The following ENAH variants were observed in gnomAD, a reference collection of about 807,000 sequenced individuals.
ENAH encodes the protein protein enabled homolog.
ENAH carries 23 observed loss-of-function variants against 78.7 expected under a neutral mutation model. That is an observed-to-expected ratio of 0.29 (90% confidence interval 0.21 to 0.41). ENAH has a LOEUF of 0.41. Ranked by LOEUF, ENAH falls within the 10% of genes least tolerant of loss-of-function variation. The pLI is 1.00. For missense variants in ENAH, 544 were observed against 691.0 expected (o/e 0.79, Z 2.39); for synonymous variants, 226 against 241.0 (o/e 0.94, Z 0.58).
intron 3 of ENAH, among the ~76,000 whole-genome samples, chr1:225,545,187 C>T (rs986032334): frequency 6.6e-6 from 1 of 152,144 alleles, no homozygotes; most frequent in East Asian, 1.9e-4. Flanking sequence ...TAGGCATGTC[C>T]ATCTACATTG....
intron 1 of ENAH, among the ~76,000 whole-genome samples, chr1:225,631,485 A>C (rs1329462912): frequency 6.6e-6 from 1 of 151,888 alleles, no homozygotes; most frequent in Non-Finnish European, 1.5e-5. Context: ...GAGGCAAGAG[A>C]ATCACTTGAA....
At chr1:225,592,621 A>G (rs968579818) in intron 1 of ENAH, among the ~76,000 whole-genome samples, 1 of 152,216 alleles carries the variant, frequency 6.6e-6, no homozygotes, top group African/African-American at 2.4e-5. Flanking sequence ...GTCTTTTGTT[A>G]TATTTTAGTA....
chr1:225,503,804 CAG>C (rs571390152), intron 11 of ENAH, among the ~76,000 whole-genome samples: 3 of 151,962 alleles, frequency 2.0e-5, no homozygotes, highest in Non-Finnish European at 4.4e-5. Context: ...AGAATTTGGC[CAG>C]AGTCTGCTTA....
intron 2 of ENAH, among the ~76,000 whole-genome samples, chr1:225,561,158 AG>A (rs917629969): frequency 1.1e-4 from 17 of 152,126 alleles, no homozygotes; most frequent in African/African-American, 4.1e-4. Flanking sequence ...AGCTTGAACC[AG>A]GGAAGTCAGG....
At chr1:225,626,865 G>A (rs571061883) in intron 1 of ENAH, among the ~76,000 whole-genome samples, 80 of 152,300 alleles carry the variant, frequency 5.3e-4, no homozygotes, top group African/African-American at 1.8e-3. Flanking sequence ...AAAATGAGCT[G>A]AGTGGACAAG....
chr1:225,523,755 C>CGAG (rs1339988739), intron 4 of ENAH, among the ~76,000 whole-genome samples: 1 of 152,104 alleles, frequency 6.6e-6, no homozygotes, highest in Non-Finnish European at 1.5e-5. Context: ...ATGTTTTGAC[C>CGAG]TCTAAAGCAA....
At chr1:225,609,676 TTTTTTTTTG>T in intron 1 of ENAH, among the ~76,000 whole-genome samples, 1 of 137,746 alleles carries the variant, frequency 7.3e-6, no homozygotes, top group Admixed American at 7.2e-5. Context: ...TTTTTTTTTT[TTTTTTTTTG>T]AGATGGAGTC....
chr1:225,498,211 TA>T (rs1439175493), intron 13 of ENAH, 135 bp downstream of exon 13: 2 of 687,042 alleles, frequency 2.9e-6, no homozygotes, highest in African/African-American at 1.9e-5. Flanking sequence ...CCCAAAACCC[TA>T]ATCCTAAAAG....
At chr1:225,571,509 T>C (rs1247995782) in intron 1 of ENAH, among the ~76,000 whole-genome samples, 1 of 152,178 alleles carries the variant, frequency 6.6e-6, no homozygotes, top group Non-Finnish European at 1.5e-5. Context: ...CCTGGGGTCC[T>C]GGGTACAGGG....
chr1:225,511,918 T>C lies in ENAH; in HGVS notation c.1423-59A>G, dbSNP rs1045571658. 3 of 1,168,404 alleles carry C rather than the reference T, an allele frequency of 2.6e-6. No homozygotes were observed. The African/African-American group carries it at 4.7e-5, about 18-fold the overall frequency. 72.4% of individuals were successfully genotyped at this position (1,168,404 alleles called of 1,614,324 possible). On this transcript the variant is annotated intron_variant, in intron 9 of 13. Transcript: ENST00000366843. ...ACCAGTCCCCTGTTGCTATATACAT[T>C]TAGTGTTTTACACGAACACTTCTAA...
intron 1 of ENAH, among the ~76,000 whole-genome samples, chr1:225,637,277 T>C (rs1169295041): frequency 6.6e-6 from 1 of 151,906 alleles, no homozygotes; most frequent in Non-Finnish European, 1.5e-5. Context: ...GTGCAATCTC[T>C]GCTCACTGCA....
At chr1:225,503,819 G>A (rs1258404881) in intron 11 of ENAH, among the ~76,000 whole-genome samples, 1 of 152,064 alleles carries the variant, frequency 6.6e-6, no homozygotes, top group Non-Finnish European at 1.5e-5. Context: ...TCTGCTTACA[G>A]AACTCCCAAC....
At chr1:225,565,156 C>A (rs748543729) in intron 2 of ENAH, among the ~76,000 whole-genome samples, 1 of 152,156 alleles carries the variant, frequency 6.6e-6, no homozygotes, top group Non-Finnish European at 1.5e-5. Flanking sequence ...TCTTTCCGAG[C>A]CTGGCGCGGT....
intron 3 of ENAH, among the ~76,000 whole-genome samples, chr1:225,531,934 G>C (rs983856479): frequency 6.6e-6 from 1 of 151,768 alleles, no homozygotes; most frequent in African/African-American, 2.4e-5. Context: ...ACAAATTGAT[G>C]ACAACTGCAG....
intron 1 of ENAH, among the ~76,000 whole-genome samples, chr1:225,619,436 C>T (rs1469898977): frequency 2.6e-5 from 4 of 152,048 alleles, no homozygotes; most frequent in Non-Finnish European, 4.4e-5. Context: ...CCCAGCTACT[C>T]GGGAGGCTGA....
intron 1 of ENAH, among the ~76,000 whole-genome samples, chr1:225,614,256 C>T (rs967849264): frequency 6.6e-6 from 1 of 151,878 alleles, no homozygotes; most frequent in Admixed American, 6.6e-5. Flanking sequence ...ACGGGGTTTC[C>T]CCATGTTGGC....
chr1:225,615,412 G>A (rs549574028), intron 1 of ENAH, among the ~76,000 whole-genome samples: 98 of 152,260 alleles, frequency 6.4e-4, no homozygotes, highest in African/African-American at 2.3e-3. Flanking sequence ...CCTCCCAGCC[G>A]CCTGCCTTGG....
intron 2 of ENAH, among the ~76,000 whole-genome samples, chr1:225,565,502 T>C (rs1297509179): frequency 1.3e-5 from 2 of 152,176 alleles, no homozygotes; most frequent in Non-Finnish European, 2.9e-5. Context: ...TTTCTCTAAA[T>C]GTAGGATTGT....
intron 1 of ENAH, among the ~76,000 whole-genome samples, chr1:225,585,215 CAAAAAAAAAAA>C (rs58586397): frequency 1.2e-4 from 6 of 49,920 alleles, no homozygotes; most frequent in East Asian, 7.1e-4. Flanking sequence ...TACCCTGTCT[CAAAAAAAAAAA>C]AAAAAAAAAA....
Sources: allele counts gnomAD v4.1 joint callset (sites outside exome capture counted in the v4.1 genomes callset), GRCh38; gene constraint gnomAD v4.1.1; transcripts MANE v1.5; gene names NCBI Gene and HGNC (gene_info 2026-07-23, HGNC 2026-07-21).